Variants in SGPP2 observed in about 807,000 individuals in gnomAD.
SGPP2 encodes the protein sphingosine 1-phosphate phosphohydrolase 2.
In SGPP2, 30 loss-of-function variants were observed where a neutral mutation model predicts 33.9. The observed-to-expected ratio is 0.89, with a 90% CI of 0.66 to 1.20. The LOEUF (loss-of-function observed/expected upper bound fraction) is 1.20, where lower values mean the gene tolerates loss of function less well. Among genes scored for constraint, SGPP2 ranks in the 50% most tolerant of loss-of-function variants. The probability of loss-of-function intolerance (pLI) is 0.00; values close to 1 mark genes in which losing one functional copy is unlikely to be tolerated. For synonymous variants in SGPP2, 233 were observed against 225.0 expected (o/e 1.04, Z -0.32); for missense variants, 458 against 532.1 (o/e 0.86, Z 1.37).
At chr2:222,475,241 G>A (rs1039942221) in intron 2 of SGPP2, among the ~76,000 whole-genome samples, 4 of 152,096 alleles carry the variant, frequency 2.6e-5, no homozygotes, top group African/African-American at 9.7e-5. Flanking sequence ...GGTTATTTTG[G>A]TATTTTTAGT....
intron 2 of SGPP2, among the ~76,000 whole-genome samples, chr2:222,497,172 T>G (rs1698293215): frequency 6.6e-6 from 1 of 152,078 alleles, no homozygotes; most frequent in Non-Finnish European, 1.5e-5. Context: ...ATTCTACACA[T>G]TCCTGAACTG....
intron 1 of SGPP2, among the ~76,000 whole-genome samples, chr2:222,463,183 A>C (rs1574843373): frequency 6.6e-6 from 1 of 152,196 alleles, no homozygotes; most frequent in Admixed American, 6.5e-5. Flanking sequence ...CACTTAGTCT[A>C]TTCCATCCCT....
intron 2 of SGPP2, among the ~76,000 whole-genome samples, chr2:222,478,098 A>G (rs1479129529): frequency 1.4e-5 from 2 of 147,948 alleles, no homozygotes; most frequent in African/African-American, 2.5e-5. Flanking sequence ...GTGAGAAGGC[A>G]GTGTGAGAAG....
At chr2:222,485,338 A>G (rs752350467) in intron 2 of SGPP2, among the ~76,000 whole-genome samples, 1 of 152,160 alleles carries the variant, frequency 6.6e-6, no homozygotes, top group Non-Finnish European at 1.5e-5. Flanking sequence ...CCAGTTCTCC[A>G]TGCCTTGGTA....
intron 4 of SGPP2, among the ~76,000 whole-genome samples, chr2:222,537,354 G>A (rs1698930647): frequency 6.6e-6 from 1 of 152,112 alleles, no homozygotes; most frequent in Non-Finnish European, 1.5e-5. Flanking sequence ...ATAGGTGATA[G>A]ACAAAGGGTA....
chr2:222,432,068 A>C (rs1035618659), intron 1 of SGPP2, among the ~76,000 whole-genome samples: 1 of 152,200 alleles, frequency 6.6e-6, no homozygotes, highest in African/African-American at 2.4e-5. Flanking sequence ...TTTGGACTTT[A>C]TCCTATAGAC....
rs1242694847 is a variant in SGPP2, at chr2:222,560,319, C to T, written c.*1421C>T. Reference sequence around the variant, plus strand: ...CAGTTACCTTCTGTAAATCTATTTTCTCATCTACTGAATAGAATCAGGCGC... The same window carrying T: ...CAGTTACCTTCTGTAAATCTATTTTTTCATCTACTGAATAGAATCAGGCGC... On this transcript the variant is annotated 3_prime_UTR_variant, in exon 5 of 5. Coordinates refer to ENST00000321276, the MANE Select transcript of SGPP2 (RefSeq NM_152386.4). 2 of 152,218 alleles carry T rather than the reference C, an allele frequency of 1.3e-5. No individual in the cohort carries two copies. The highest frequency in any genetic ancestry group is 2.9e-5 in the Non-Finnish European group (2 of 68,048). The allele number at this position is 152,218 out of a possible 1,614,324, so 9.4% of individuals were successfully genotyped here.
At position 222,558,619 on chromosome 2, in the gene SGPP2, C is replaced by G. The variant is rs1178362147; in HGVS notation, c.921C>G (p.Leu307=). 4 of 1,614,188 alleles carry G rather than the reference C, an allele frequency of 2.5e-6. No homozygotes were observed. The Admixed American group carries it at 6.7e-5, about 27-fold the overall frequency. ...TTGTATCCAAGCCCGCTGAATCTCT[C>G]CCTGTTATTCAGAACATCCCACCAC... ...FQLVSKPAES[L]PVIQNIPPLT... Residue 307 remains leucine, a synonymous_variant, in exon 5 of 5, where the codon CTC becomes CTG. Transcript: ENST00000321276.
chr2:222,531,234 TA>T (rs2106141320), intron 4 of SGPP2, among the ~76,000 whole-genome samples: 1 of 152,252 alleles, frequency 6.6e-6, no homozygotes, highest in South Asian at 2.1e-4. Context: ...CTGGATACAG[TA>T]TTACCACAAA....
intron 2 of SGPP2, among the ~76,000 whole-genome samples, chr2:222,484,802 A>G (rs1698079824): frequency 6.6e-6 from 1 of 152,266 alleles, no homozygotes. Context: ...ATTTTGTTCC[A>G]GGTTCTCTCC....
intron 1 of SGPP2, among the ~76,000 whole-genome samples, chr2:222,446,838 G>A (rs979974777): frequency 7.9e-5 from 12 of 152,116 alleles, no homozygotes; most frequent in African/African-American, 2.9e-4. Context: ...GAAGGATTTG[G>A]GGCATGATGG....
intron 1 of SGPP2, among the ~76,000 whole-genome samples, chr2:222,440,845 G>A (rs998849174): frequency 1.5e-4 from 22 of 151,062 alleles, no homozygotes; most frequent in Admixed American, 6.6e-5. Flanking sequence ...GCCTAGCAGC[G>A]CTGGAATCTG....
chr2:222,505,132 G>C (rs10211148), intron 2 of SGPP2, among the ~76,000 whole-genome samples: 6,800 of 152,244 alleles, frequency 0.045, 523 homozygotes, highest in African/African-American at 0.15. Flanking sequence ...GATAGTGAGA[G>C]ATATTCATAT....
At chr2:222,510,046 T>A (rs887394257) in intron 2 of SGPP2, among the ~76,000 whole-genome samples, 1 of 152,256 alleles carries the variant, frequency 6.6e-6, no homozygotes, top group Non-Finnish European at 1.5e-5. Flanking sequence ...ACCAGTACTT[T>A]CTTTCTTTCT....
intron 1 of SGPP2, among the ~76,000 whole-genome samples, chr2:222,449,470 AT>A (rs11390234): frequency 3.0e-4 from 43 of 141,182 alleles, no homozygotes; most frequent in South Asian, 1.1e-3. Context: ...AGGTCAGCCA[AT>A]TTTTTTTTTT....
At chr2:222,463,567 G>A (rs935497602) in intron 1 of SGPP2, among the ~76,000 whole-genome samples, 1 of 152,200 alleles carries the variant, frequency 6.6e-6, no homozygotes, top group African/African-American at 2.4e-5. Flanking sequence ...GGGAGGAGTA[G>A]CATGAAGATA....
At chr2:222,556,606 A>T (rs1276974403) in intron 4 of SGPP2, among the ~76,000 whole-genome samples, 1 of 21,242 alleles carries the variant, frequency 4.7e-5, no homozygotes, top group Non-Finnish European at 8.6e-5. Context: ...CTCCTCCCCC[A>T]TCCCCCCTCA....
intron 4 of SGPP2, among the ~76,000 whole-genome samples, chr2:222,543,272 T>A (rs1699024007): frequency 6.6e-6 from 1 of 152,226 alleles, no homozygotes; most frequent in East Asian, 1.9e-4. Flanking sequence ...GAATACCCAA[T>A]TTACTCAGCA....
chr2:222,474,717 C>T lies in SGPP2; in HGVS notation c.369C>T (p.Ile123=), dbSNP rs767285270. The T allele has an allele frequency of 2.5e-6, 4 of 1,612,882 alleles. No individual in the cohort carries two copies. In the South Asian group the frequency reaches 4.4e-5, roughly 18 times the overall value. Residue 123 remains isoleucine (I), a synonymous_variant, in exon 2 of 5, where the codon ATC becomes ATT. Coordinates refer to ENST00000321276, the MANE Select transcript of SGPP2 (RefSeq NM_152386.4). ...CTTATTTATCCAGAAGATTGATCAT[C>T]ATATGGGTTGTAAGTATTATTACTA... is the stretch of plus-strand genomic sequence containing the variant. ...IDPYLSRRLI[I]IWVLVMYIGQ...
Sources: gnomAD v4.1 joint callset for allele counts (sites outside exome capture counted in the v4.1 genomes callset) on GRCh38, gnomAD v4.1.1 for gene constraint, MANE v1.5 for transcripts, NCBI Gene and HGNC (gene_info 2026-07-23, HGNC 2026-07-21) for gene names.